Variants in DOK6 observed in about 807,000 individuals in gnomAD.
DOK6 encodes downstream of tyrosine kinase 6.
In DOK6, 22 loss-of-function variants were observed where a neutral mutation model predicts 44.0. The ratio of observed to expected loss-of-function variants is 0.50; its 90% confidence interval spans 0.36 to 0.71. The LOEUF (loss-of-function observed/expected upper bound fraction) is 0.71. Ranked by LOEUF, DOK6 falls within the 30% of genes least tolerant of loss-of-function variation. The pLI is 0.00. For missense variants in DOK6, 340 were observed against 416.4 expected, an observed-to-expected ratio of 0.82 and a Z score of 1.60; for synonymous variants, 166 against 145.5, an observed-to-expected ratio of 1.14 and a Z score of -1.01.
At chr18:69,759,516 G>T (rs901024494) in intron 7 of DOK6, among the ~76,000 whole-genome samples, 1 of 151,980 alleles carries the variant, frequency 6.6e-6, no homozygotes, top group Non-Finnish European at 1.5e-5. Context: ...TCTAGTTTTT[G>T]TCAAGGGTTT....
chr18:69,670,750 C>T (rs1247182849), intron 3 of DOK6, among the ~76,000 whole-genome samples: 1 of 151,998 alleles, frequency 6.6e-6, no homozygotes, highest in Non-Finnish European at 1.5e-5. Context: ...CCTCGTGATC[C>T]TCCCACCCCG....
chr18:69,676,996 C>T (rs373160340), intron 3 of DOK6, among the ~76,000 whole-genome samples: 2 of 151,984 alleles, frequency 1.3e-5, no homozygotes, highest in South Asian at 2.1e-4. Flanking sequence ...ATCTAATCAA[C>T]GTCTTAGGTA....
Position 69,688,267 on chromosome 18 carries a change from T to C in DOK6, c.410-10137T>C, listed in dbSNP as rs748988605. On this transcript the variant is annotated intron_variant, in intron 4 of 7. Transcript: ENST00000382713. ...TCATTAAGATATCAGTCTTCAGAGA[T>C]TGATCTGTAAATCCAACATAATCCC... Among the ~76,000 whole-genome samples, 3 of 152,316 alleles carry C rather than the reference T, an allele frequency of 2.0e-5. No homozygotes were observed. The East Asian group carries it at 5.8e-4, about 29-fold the overall frequency.
At chr18:69,570,385 A>G (rs554206565) in intron 2 of DOK6, among the ~76,000 whole-genome samples, 1 of 151,856 alleles carries the variant, frequency 6.6e-6, no homozygotes, top group South Asian at 2.1e-4. Context: ...AACAACAGCA[A>G]CAACAAAAAA....
intron 7 of DOK6, among the ~76,000 whole-genome samples, chr18:69,835,609 A>G (rs1465770002): frequency 6.6e-6 from 1 of 152,162 alleles, no homozygotes; most frequent in African/African-American, 2.4e-5. Flanking sequence ...CCATGCTTAC[A>G]TCTGCAGCCT....
Position 69,637,289 on chromosome 18 carries a change from C to T in DOK6, c.289+37791C>T, listed in dbSNP as rs144027247. On this transcript the variant is annotated intron_variant, in intron 3 of 7. Transcript: ENST00000382713. Reference sequence around the variant, plus strand: ...TCAGGAAAATAAATTTTCACGGTCACGTGAGTTTAGGAAATGCAATGTAAC... The same window carrying T: ...TCAGGAAAATAAATTTTCACGGTCATGTGAGTTTAGGAAATGCAATGTAAC... Among the ~76,000 whole-genome samples the T allele has an allele frequency of 1.3e-3, 201 of 152,242 alleles. 2 individuals are homozygous for T. The East Asian group carries it at 0.019, about 15-fold the overall frequency.
intron 7 of DOK6, among the ~76,000 whole-genome samples, chr18:69,826,409 A>G (rs1192120373): frequency 6.6e-6 from 1 of 152,238 alleles, no homozygotes; most frequent in African/African-American, 2.4e-5. Context: ...AAAATAATTC[A>G]TAAAAATATA....
At chr18:69,581,090 A>G (rs1983358062) in intron 2 of DOK6, among the ~76,000 whole-genome samples, 1 of 152,132 alleles carries the variant, frequency 6.6e-6, no homozygotes, top group Non-Finnish European at 1.5e-5. Context: ...CACTTTCTTT[A>G]TCCATTCATT....
chr18:69,478,107 A>G (rs1048475973), intron 1 of DOK6, among the ~76,000 whole-genome samples: 1 of 152,220 alleles, frequency 6.6e-6, no homozygotes, highest in African/African-American at 2.4e-5. Context: ...ACTAATCTGT[A>G]CTTCACAAAA....
intron 3 of DOK6, among the ~76,000 whole-genome samples, chr18:69,645,684 GA>G (rs531008819): frequency 6.7e-5 from 10 of 149,438 alleles, no homozygotes; most frequent in African/African-American, 2.0e-4. Flanking sequence ...TTTATCCCAG[GA>G]AAAAAAAATG....
At chr18:69,811,238 G>A (rs945258871) in intron 7 of DOK6, among the ~76,000 whole-genome samples, 13 of 151,942 alleles carry the variant, frequency 8.6e-5, no homozygotes, top group South Asian at 2.1e-4. Context: ...TCTCACTTAC[G>A]TATGGAATCT....
At chr18:69,777,352 T>C (rs1980106058) in intron 7 of DOK6, among the ~76,000 whole-genome samples, 2 of 152,086 alleles carry the variant, frequency 1.3e-5, no homozygotes, top group African/African-American at 4.8e-5. Context: ...AATAAAATTT[T>C]GATGAATTAT....
intron 3 of DOK6, among the ~76,000 whole-genome samples, chr18:69,676,081 A>G: frequency 6.6e-6 from 1 of 152,212 alleles, no homozygotes; most frequent in East Asian, 1.9e-4. Flanking sequence ...CACTCAAGTG[A>G]GGGAACCAGG....
At chr18:69,839,280 CT>C (rs550412853) in intron 7 of DOK6, among the ~76,000 whole-genome samples, 19 of 149,980 alleles carry the variant, frequency 1.3e-4, no homozygotes, top group African/African-American at 3.9e-4. Flanking sequence ...CCCCTAACTC[CT>C]CCCTAGCACT....
chr18:69,685,895 C>T (rs1367971488), intron 4 of DOK6, among the ~76,000 whole-genome samples: 1 of 152,162 alleles, frequency 6.6e-6, no homozygotes, highest in Non-Finnish European at 1.5e-5. Context: ...CATCACTAGA[C>T]ACGTGCCTAT....
chr18:69,523,486 TC>T (rs1171715468), intron 1 of DOK6, among the ~76,000 whole-genome samples: 76 of 152,152 alleles, frequency 5.0e-4, no homozygotes, highest in African/African-American at 1.8e-3. Context: ...AAGTCTAAAT[TC>T]AAACTCTCTC....
chr18:69,728,862 A>G (rs1331667926), intron 5 of DOK6, among the ~76,000 whole-genome samples: 1 of 152,172 alleles, frequency 6.6e-6, no homozygotes, highest in Non-Finnish European at 1.5e-5. Context: ...AAACAGAAGA[A>G]ACTTCTTCAT....
intron 7 of DOK6, among the ~76,000 whole-genome samples, chr18:69,835,737 A>G (rs1270572136): frequency 6.6e-6 from 1 of 152,156 alleles, no homozygotes; most frequent in Non-Finnish European, 1.5e-5. Flanking sequence ...TTGTGTCCTC[A>G]TCAGATGACT....
At chr18:69,528,783 T>A (rs1981905993) in intron 1 of DOK6, among the ~76,000 whole-genome samples, 1 of 152,194 alleles carries the variant, frequency 6.6e-6, no homozygotes, top group Non-Finnish European at 1.5e-5. Flanking sequence ...CTATCTTGGT[T>A]CGAAACTATT....
Sources: allele counts gnomAD v4.1 joint callset (sites outside exome capture counted in the v4.1 genomes callset), GRCh38; gene constraint gnomAD v4.1.1; transcripts MANE v1.5; gene names NCBI Gene and HGNC (gene_info 2026-07-23, HGNC 2026-07-21).